Variants in CSGALNACT2 observed in about 807,000 individuals in gnomAD.
CSGALNACT2 encodes beta 4 GalNAcT-2.
A neutral mutation model predicts 55.3 loss-of-function variants in CSGALNACT2; 35 were observed. That is an observed-to-expected ratio of 0.63 (90% CI 0.48 to 0.84). The LOEUF (loss-of-function observed/expected upper bound fraction) is 0.84. Among genes scored for constraint, CSGALNACT2 ranks in the 40% least tolerant of loss-of-function variants. The pLI is 0.00. For synonymous variants in CSGALNACT2, 196 were observed against 224.9 expected, an observed-to-expected ratio of 0.87 and a Z score of 1.15; for missense variants, 544 against 657.5, an observed-to-expected ratio of 0.83 and a Z score of 1.89.
At chr10:43,163,348 G>A in intron 4 of CSGALNACT2, 1 of 631,230 alleles carries the variant, frequency 1.6e-6, no homozygotes, top group Non-Finnish European at 2.0e-6. Context: ...GAGTGGGAGA[G>A]ACACTGGAAC....
chr10:43,184,658 A>G lies in CSGALNACT2; in HGVS notation c.*1116A>G, dbSNP rs780448057. On this transcript the variant is annotated 3_prime_UTR_variant, in exon 8 of 8. Transcript: ENST00000374466. ...GAAATACGGAATGTTTTAGAGAAAT[A>G]TGTCACTTGCATATAGAATGTTTTA... is the stretch of plus-strand genomic sequence containing the variant. The G allele has an allele frequency of 1.9e-4, 29 of 152,332 alleles. No homozygotes were observed. Among genetic ancestry groups the G allele is most frequent in the Non-Finnish European group, 1.5e-5 (1 of 68,032 alleles). 9.4% of individuals were successfully genotyped at this position (152,332 alleles called of 1,614,324 possible).
intron 6 of CSGALNACT2, among the ~76,000 whole-genome samples, chr10:43,175,624 T>C (rs760238046): frequency 4.6e-5 from 7 of 152,206 alleles, no homozygotes; most frequent in Non-Finnish European, 1.0e-4. Context: ...GAATGGATAC[T>C]GGGTAGGCAC....
At chr10:43,183,066 A>C (rs1034830694) in intron 7 of CSGALNACT2, among the ~76,000 whole-genome samples, 184 bp from the exon 8 acceptor site, 1 of 152,180 alleles carries the variant, frequency 6.6e-6, no homozygotes, top group Non-Finnish European at 1.5e-5. Context: ...CCTTGAGTCC[A>C]AGTGTCAGCT....
At chr10:43,166,582 A>G (rs1236592247) in intron 5 of CSGALNACT2, among the ~76,000 whole-genome samples, 2 of 152,222 alleles carry the variant, frequency 1.3e-5, no homozygotes, top group Non-Finnish European at 2.9e-5. Flanking sequence ...TTCATTGTAC[A>G]GTATTCTTTG....
At chr10:43,177,289 T>G (rs997350072) in intron 7 of CSGALNACT2, among the ~76,000 whole-genome samples, 1 of 152,232 alleles carries the variant, frequency 6.6e-6, no homozygotes, top group African/African-American at 2.4e-5. Context: ...TATTGAGATA[T>G]AGTTTACATA....
intron 6 of CSGALNACT2, among the ~76,000 whole-genome samples, chr10:43,175,551 TG>T (rs1342085560): frequency 1.3e-5 from 2 of 152,238 alleles, no homozygotes; most frequent in African/African-American, 2.4e-5. Context: ...CCTGAATTCA[TG>T]GGCTGCCCAG....
At chr10:43,143,537 G>GTGTGTGT (rs1564508132) in intron 1 of CSGALNACT2, among the ~76,000 whole-genome samples, 2 of 143,224 alleles carry the variant, frequency 1.4e-5, no homozygotes, top group Non-Finnish European at 3.0e-5. Context: ...GTGTGTGTGT[G>GTGTGTGT]GAATCATAAT....
chr10:43,152,448 T>C (rs1244972998), intron 1 of CSGALNACT2, among the ~76,000 whole-genome samples: 1 of 152,190 alleles, frequency 6.6e-6, no homozygotes, highest in Middle Eastern at 3.2e-3. Flanking sequence ...GTAATTACAG[T>C]ATCCTTTCAT....
intron 1 of CSGALNACT2, among the ~76,000 whole-genome samples, chr10:43,141,822 G>C (rs1838633142): frequency 6.6e-6 from 1 of 152,106 alleles, no homozygotes; most frequent in Non-Finnish European, 1.5e-5. Flanking sequence ...TCCTGAGCCA[G>C]GGAGAAATAA....
intron 6 of CSGALNACT2, among the ~76,000 whole-genome samples, chr10:43,168,331 G>T (rs968249711): frequency 8.6e-5 from 13 of 151,978 alleles, no homozygotes; most frequent in African/African-American, 2.9e-4. Flanking sequence ...CGAGCCTGTA[G>T]TCCCACCTAC....
intron 1 of CSGALNACT2, among the ~76,000 whole-genome samples, chr10:43,150,447 G>A (rs1838852784): frequency 6.6e-6 from 1 of 152,154 alleles, no homozygotes; most frequent in Non-Finnish European, 1.5e-5. Flanking sequence ...AGCTTTTTAT[G>A]TAGAGAAAGT....
At chr10:43,142,140 A>G (rs1838641329) in intron 1 of CSGALNACT2, among the ~76,000 whole-genome samples, 1 of 152,178 alleles carries the variant, frequency 6.6e-6, no homozygotes, top group Non-Finnish European at 1.5e-5. Context: ...CTGTTTTAGT[A>G]TAGCCTGTGA....
chr10:43,138,882 G>C (rs1838556195), intron 1 of CSGALNACT2, among the ~76,000 whole-genome samples: 1 of 152,168 alleles, frequency 6.6e-6, no homozygotes, highest in Admixed American at 6.5e-5. Flanking sequence ...CCTCGTCATC[G>C]CGTTAAAATA....
At chr10:43,165,804 A>C (rs1393457056) in intron 5 of CSGALNACT2, among the ~76,000 whole-genome samples, 1 of 152,166 alleles carries the variant, frequency 6.6e-6, no homozygotes, top group Non-Finnish European at 1.5e-5. Flanking sequence ...AGCCTGGCCA[A>C]CATGGTGAAA....
In CSGALNACT2 at chr10:43,144,059, G is replaced by T. The variant is rs535842342; in HGVS notation, c.-254+5492G>T. Among the ~76,000 whole-genome samples the T allele has an allele frequency of 5.9e-5, 9 of 152,232 alleles. No homozygotes were observed. In the South Asian group the frequency reaches 1.7e-3, roughly 28 times the overall value. On this transcript the variant is annotated intron_variant, in intron 1 of 7. Transcript: ENST00000374466. ...CTGGTTATGTTTTCCAAATAATTGT[G>T]TGGCTTTGTTTTTGCTTTGTAAAAA...
chr10:43,168,702 ACACACACG>A (rs758094892), intron 6 of CSGALNACT2, among the ~76,000 whole-genome samples: 1 of 135,300 alleles, frequency 7.4e-6, no homozygotes, highest in African/African-American at 3.0e-5. Context: ...ACACACACAC[ACACACACG>A]CCTCTACCTT....
chr10:43,165,553 C>G (rs527698724), intron 5 of CSGALNACT2, among the ~76,000 whole-genome samples: 1 of 152,260 alleles, frequency 6.6e-6, no homozygotes, highest in South Asian at 2.1e-4. Context: ...AATCCCAGCA[C>G]CTTGGGAGTC....
intron 1 of CSGALNACT2, among the ~76,000 whole-genome samples, chr10:43,141,703 T>C (rs1485084856): frequency 7.1e-6 from 1 of 139,884 alleles, no homozygotes. Context: ...GAAGAGTCAA[T>C]ATACATCTAA....
chr10:43,146,667 A>G (rs2435338), intron 1 of CSGALNACT2, among the ~76,000 whole-genome samples: 126,217 of 151,980 alleles, frequency 0.83, 52,953 homozygotes, highest in African/African-American at 0.91. Context: ...GAGTTAGGCT[A>G]CATTGAGCTA....
Sources: allele counts gnomAD v4.1 joint callset (sites outside exome capture counted in the v4.1 genomes callset), GRCh38; gene constraint gnomAD v4.1.1; transcripts MANE v1.5; gene names NCBI Gene and HGNC (gene_info 2026-07-23, HGNC 2026-07-21).